BCKDHB: variants seen among roughly 807,000 people sequenced by gnomAD.
The protein encoded by BCKDHB is 2-oxoisovalerate dehydrogenase subunit beta, mitochondrial.
BCKDHB carries 41 observed loss-of-function variants against 48.5 expected under a neutral mutation model. The observed-to-expected ratio is 0.85, with a 90% CI of 0.66 to 1.10. BCKDHB has a LOEUF of 1.10. BCKDHB is among the 50% of genes least tolerant of loss of function. The pLI, the probability that BCKDHB is intolerant of heterozygous loss-of-function variation, is 0.00. For missense variants in BCKDHB, 496 were observed against 494.2 expected, an observed-to-expected ratio of 1.00 and a Z score of -0.03; for synonymous variants, 201 against 174.8, an observed-to-expected ratio of 1.15 and a Z score of -1.18.
chr6:80,342,555 T>TGA (rs1182710421), intron 9 of BCKDHB, among the ~76,000 whole-genome samples: 4 of 19,358 alleles, frequency 2.1e-4, no homozygotes, highest in Non-Finnish European at 5.9e-4. Flanking sequence ...ACCTCATTTC[T>TGA]GAAAAAAAAA....
At chr6:80,421,029 G>T in the BCKDHB span, among the ~76,000 whole-genome samples, 1 of 152,022 alleles carries the variant, frequency 6.6e-6, no homozygotes, top group Admixed American at 6.6e-5. Context: ...TAAACTCTGG[G>T]GCTCTGATAT....
intron 8 of BCKDHB, among the ~76,000 whole-genome samples, chr6:80,203,487 G>A (rs545069985): frequency 1.3e-5 from 2 of 152,202 alleles, no homozygotes; most frequent in South Asian, 4.1e-4. Flanking sequence ...TGAATTGTGT[G>A]AGTCATAGAG....
the BCKDHB span, among the ~76,000 whole-genome samples, chr6:80,427,855 G>C: frequency 6.6e-6 from 1 of 151,910 alleles, no homozygotes; most frequent in Non-Finnish European, 1.5e-5. Flanking sequence ...TACATAATGT[G>C]TTTTCCCCTT....
At chr6:80,279,159 T>C (rs180960342) in intron 9 of BCKDHB, among the ~76,000 whole-genome samples, 1 of 148,814 alleles carries the variant, frequency 6.7e-6, no homozygotes, top group Admixed American at 6.6e-5. Flanking sequence ...TTTTGTTTTG[T>C]TTTTTTGAGA....
At chr6:80,180,098 C>A (rs1304076820) in intron 6 of BCKDHB, among the ~76,000 whole-genome samples, 1 of 152,170 alleles carries the variant, frequency 6.6e-6, no homozygotes, top group African/African-American at 2.4e-5. Context: ...GAAATGATTT[C>A]TTTCAATTCA....
intron 9 of BCKDHB, among the ~76,000 whole-genome samples, chr6:80,335,438 T>C (rs182318039): frequency 2.3e-4 from 35 of 152,144 alleles, no homozygotes; most frequent in East Asian, 1.4e-3. Context: ...CTTTCAAACG[T>C]TGCCGTCAGT....
intron 3 of BCKDHB, among the ~76,000 whole-genome samples, chr6:80,156,154 A>G (rs1772036846): frequency 6.6e-6 from 1 of 151,892 alleles, no homozygotes; most frequent in Non-Finnish European, 1.5e-5. Flanking sequence ...CACATTTTCT[A>G]TGAGATTTAA....
chr6:80,300,248 C>T (rs146575472), intron 9 of BCKDHB, among the ~76,000 whole-genome samples: 3 of 152,200 alleles, frequency 2.0e-5, no homozygotes, highest in African/African-American at 7.2e-5. Context: ...GTCAGGGCTT[C>T]ACCATGTTGC....
At chr6:80,181,939 G>C (rs1773432282) in intron 6 of BCKDHB, among the ~76,000 whole-genome samples, 1 of 152,104 alleles carries the variant, frequency 6.6e-6, no homozygotes, top group African/African-American at 2.4e-5. Context: ...GAACTCATAA[G>C]TCCATCCTCT....
At chr6:80,389,199 C>G in the BCKDHB span, among the ~76,000 whole-genome samples, 1 of 152,084 alleles carries the variant, frequency 6.6e-6, no homozygotes, top group Non-Finnish European at 1.5e-5. Flanking sequence ...CCAGCTCTTT[C>G]CCCAGCCACC....
the BCKDHB span, among the ~76,000 whole-genome samples, chr6:80,421,643 G>T: frequency 6.6e-6 from 1 of 152,284 alleles, no homozygotes; most frequent in South Asian, 2.1e-4. Context: ...TTGGGAAATG[G>T]AGCAAATGTT....
intron 6 of BCKDHB, among the ~76,000 whole-genome samples, chr6:80,198,663 G>GA (rs552767990): frequency 1.7e-4 from 26 of 152,070 alleles, no homozygotes; most frequent in Non-Finnish European, 2.8e-4. Flanking sequence ...ATTGATGAGT[G>GA]AAAAAAATGC....
chr6:80,348,187 A>G (rs2128023899), downstream of BCKDHB, among the ~76,000 whole-genome samples: 1 of 151,758 alleles, frequency 6.6e-6, no homozygotes, highest in East Asian at 1.9e-4. Flanking sequence ...AAGGTGTTAT[A>G]TAGCTAACTA....
chr6:80,359,116 C>A, the BCKDHB span, among the ~76,000 whole-genome samples: 38 of 152,194 alleles, frequency 2.5e-4, no homozygotes, highest in African/African-American at 8.2e-4. Context: ...GAGGCCTGCA[C>A]GTGACATTAG....
the BCKDHB span, among the ~76,000 whole-genome samples, chr6:80,459,068 T>C: frequency 2.0e-5 from 3 of 152,166 alleles, no homozygotes; most frequent in Non-Finnish European, 4.4e-5. Context: ...GAAAACAGTA[T>C]GGAGGATTCT....
chr6:80,372,839 G>A, the BCKDHB span, among the ~76,000 whole-genome samples: 1 of 152,120 alleles, frequency 6.6e-6, no homozygotes, highest in Non-Finnish European at 1.5e-5. Flanking sequence ...TTTGATGTTG[G>A]ATTCAGTTAG....
At chr6:80,268,094 CAT>C (rs1054556351) in intron 8 of BCKDHB, among the ~76,000 whole-genome samples, 33 of 152,112 alleles carry the variant, frequency 2.2e-4, no homozygotes, top group Middle Eastern at 3.4e-3. Context: ...GTGGTCCAGT[CAT>C]GTGTGGAGGA....
intron 8 of BCKDHB, among the ~76,000 whole-genome samples, chr6:80,271,884 A>G (rs750398450): frequency 6.6e-6 from 1 of 150,916 alleles, no homozygotes; most frequent in African/African-American, 2.4e-5. Context: ...TAAAGTCAGG[A>G]CATCTTTTAG....
intron 1 of BCKDHB, among the ~76,000 whole-genome samples, chr6:80,116,355 C>A (rs1769704292): frequency 6.6e-6 from 1 of 152,090 alleles, no homozygotes; most frequent in African/African-American, 2.4e-5. Context: ...TAATATTTTT[C>A]TTTTAGTTTC....
Sources: gnomAD v4.1 joint callset for allele counts (sites outside exome capture counted in the v4.1 genomes callset) on GRCh38, gnomAD v4.1.1 for gene constraint, MANE v1.5 for transcripts, NCBI Gene and HGNC (gene_info 2026-07-23, HGNC 2026-07-21) for gene names.